Variants in MYO10 observed in about 807,000 individuals in gnomAD.
MYO10 encodes unconventional myosin-X.
Under a neutral mutation model 257.3 loss-of-function variants are expected in MYO10, and 133 were observed. That is an observed-to-expected ratio of 0.52 (90% CI 0.45 to 0.60). The LOEUF (loss-of-function observed/expected upper bound fraction) is 0.60, where lower values mean the gene tolerates loss of function less well. MYO10 is among the 20% of genes least tolerant of loss of function. The pLI is 0.00. For synonymous variants in MYO10, 1,104 were observed against 1,028.6 expected (o/e 1.07, Z -1.40); for missense variants, 2,399 against 2,635.7 (o/e 0.91, Z 1.97).
Position 16,868,333 on chromosome 5 carries a change from G to A in MYO10, c.120+9276C>T, listed in dbSNP as rs966114863. Among the ~76,000 whole-genome samples the A allele has an allele frequency of 6.6e-5, 10 of 152,274 alleles. No individual in the cohort carries two copies. In the East Asian group the frequency reaches 1.2e-3, roughly 18 times the overall value. On this transcript the variant is annotated intron_variant, in intron 2 of 40. Transcript: ENST00000513610. ...AAAAATCTGCTCTTCAGCTGGGCAC[G>A]GTGGCTCATGTCTGTAATCCCAGCA... is the stretch of plus-strand genomic sequence containing the variant.
At chr5:16,767,356 C>A (rs6554945) in intron 10 of MYO10, among the ~76,000 whole-genome samples, 38,383 of 151,162 alleles carry the variant, frequency 0.25, 5,026 homozygotes, top group African/African-American at 0.32. Flanking sequence ...TTTTTAGTAG[C>A]GACGGGTTTC....
At chr5:16,729,442 T>G (rs10077277) in intron 19 of MYO10, among the ~76,000 whole-genome samples, 2,765 of 151,954 alleles carry the variant, frequency 0.018, 78 homozygotes, top group African/African-American at 0.062. Context: ...TCATCTAAAG[T>G]TGTATTTTCT....
At chr5:16,677,765 C>CT (rs10639073) in intron 33 of MYO10, among the ~76,000 whole-genome samples, 17,282 of 146,458 alleles carry the variant, frequency 0.12, 1,473 homozygotes, top group African/African-American at 0.24. Context: ...CATATTTACT[C>CT]TTTTTTTTTT....
chr5:16,845,948 G>A (rs1244995882), intron 2 of MYO10, among the ~76,000 whole-genome samples: 1 of 151,950 alleles, frequency 6.6e-6, no homozygotes, highest in Non-Finnish European at 1.5e-5. Context: ...TGGTGACAGA[G>A]CGAGACTCTG....
intron 1 of MYO10, among the ~76,000 whole-genome samples, chr5:16,926,789 C>T (rs2562365): frequency 0.45 from 68,241 of 151,320 alleles, 15,669 homozygotes; most frequent in African/African-American, 0.53. Flanking sequence ...ACTATTGTGA[C>T]AATCTTGACT....
intron 1 of MYO10, among the ~76,000 whole-genome samples, chr5:16,879,427 A>G (rs1330870023): frequency 6.6e-6 from 1 of 152,220 alleles, no homozygotes; most frequent in Non-Finnish European, 1.5e-5. Context: ...GGTGCCAATC[A>G]ATAGCAAACA....
chr5:16,858,901 T>A, intron 2 of MYO10, among the ~76,000 whole-genome samples: 1 of 152,020 alleles, frequency 6.6e-6, no homozygotes, highest in East Asian at 1.9e-4. Flanking sequence ...GAGGTGGCAG[T>A]GAGCCGAGAG....
At position 16,924,646 on chromosome 5, in the gene MYO10, C is replaced by G. The variant is rs552117661; in HGVS notation, c.21+11142G>C. Among the ~76,000 whole-genome samples, 9 of 152,222 alleles carry G rather than the reference C, an allele frequency of 5.9e-5. 1 individual carries two copies. In the South Asian group the frequency reaches 1.9e-3, roughly 32 times the overall value. On this transcript the variant is annotated intron_variant, in intron 1 of 40. Transcript: ENST00000513610. ...AATTGTCATATAATTGATGATACAGCCACAGGAAGAATGGGCAGACTACTC... is the reference window on the plus strand; with the variant it reads ...AATTGTCATATAATTGATGATACAGGCACAGGAAGAATGGGCAGACTACTC...
intron 2 of MYO10, among the ~76,000 whole-genome samples, chr5:16,865,865 G>A (rs1464152876): frequency 6.7e-6 from 1 of 148,516 alleles, no homozygotes; most frequent in Non-Finnish European, 1.5e-5. Context: ...CGGAGTTATT[G>A]CTTAACAGGC....
At chr5:16,891,625 T>C (rs1375172319) in intron 1 of MYO10, among the ~76,000 whole-genome samples, 1 of 152,190 alleles carries the variant, frequency 6.6e-6, no homozygotes, top group Non-Finnish European at 1.5e-5. Context: ...AATGTCATGA[T>C]GTGTGAATTA....
In MYO10 at chr5:16,748,181, C is replaced by T. The variant is rs1375772905; in HGVS notation, c.1929+6647G>A. On this transcript the variant is annotated intron_variant, in intron 19 of 40. Coordinates refer to ENST00000513610, the MANE Select transcript of MYO10 (RefSeq NM_012334.3). ...ACCTCCCAGGCTCGGATGATCCTCC[C>T]ACCTCAGCCTCTCAGGTAGCCGGGA... is the stretch of plus-strand genomic sequence containing the variant. Among the ~76,000 whole-genome samples the T allele has an allele frequency of 2.6e-5, 4 of 152,010 alleles. No homozygotes were observed. The East Asian group carries it at 7.7e-4, about 29-fold the overall frequency.
chr5:16,693,606 C>T (rs1436817522), intron 27 of MYO10, among the ~76,000 whole-genome samples: 3 of 152,218 alleles, frequency 2.0e-5, no homozygotes, highest in Non-Finnish European at 4.4e-5. Flanking sequence ...TGACTTCAGG[C>T]ATTAATTTGA....
intron 19 of MYO10, among the ~76,000 whole-genome samples, chr5:16,720,430 T>C (rs1375000566): frequency 6.6e-6 from 1 of 151,678 alleles, no homozygotes; most frequent in Non-Finnish European, 1.5e-5. Flanking sequence ...ATTTTATTTT[T>C]ATTTTATTTT....
chr5:16,874,344 C>CGGGGGGG (rs61697249), intron 2 of MYO10, among the ~76,000 whole-genome samples: 6 of 28,472 alleles, frequency 2.1e-4, no homozygotes, highest in Non-Finnish European at 4.0e-4. Flanking sequence ...AAAAAAAAAG[C>CGGGGGGG]GGGGGGGGGG....
At chr5:16,817,022 G>A (rs1742645103) in intron 3 of MYO10, among the ~76,000 whole-genome samples, 1 of 151,028 alleles carries the variant, frequency 6.6e-6, no homozygotes, top group African/African-American at 2.4e-5. Context: ...ATTTCACCAT[G>A]TTCGTCAGGC....
chr5:16,845,413 T>C (rs1174827997), intron 2 of MYO10, among the ~76,000 whole-genome samples: 7 of 152,142 alleles, frequency 4.6e-5, no homozygotes, highest in African/African-American at 1.7e-4. Context: ...TCACCTGTAA[T>C]CCCAATATTT....
intron 18 of MYO10, among the ~76,000 whole-genome samples, chr5:16,756,223 C>T (rs897230542): frequency 4.4e-4 from 67 of 152,200 alleles, no homozygotes; most frequent in African/African-American, 1.4e-3. Context: ...CAAGGGCATG[C>T]CGAATAACTT....
chr5:16,720,420 ATTTTAT>A (rs1739106142), intron 19 of MYO10, among the ~76,000 whole-genome samples: 2 of 151,770 alleles, frequency 1.3e-5, no homozygotes, highest in African/African-American at 2.4e-5. Flanking sequence ...CTTTTCCACT[ATTTTAT>A]TTTTATTTTA....
intron 1 of MYO10, among the ~76,000 whole-genome samples, chr5:16,901,868 C>T (rs1745388376): frequency 6.6e-6 from 1 of 152,106 alleles, no homozygotes; most frequent in Admixed American, 6.6e-5. Flanking sequence ...GTTCTAGAGC[C>T]AGACCATCAT....
Sources: gnomAD v4.1 joint callset for allele counts (sites outside exome capture counted in the v4.1 genomes callset) on GRCh38, gnomAD v4.1.1 for gene constraint, MANE v1.5 for transcripts, NCBI Gene and HGNC (gene_info 2026-07-23, HGNC 2026-07-21) for gene names.